TRPM7: variants seen among roughly 807,000 people sequenced by gnomAD.
TRPM7 encodes LTRPC ion channel family member 7.
In TRPM7, 134 loss-of-function variants were observed where a neutral mutation model predicts 229.7. That is an observed-to-expected ratio of 0.58 (90% CI 0.51 to 0.67). TRPM7 has a LOEUF of 0.67. TRPM7 is among the 30% of genes least tolerant of loss of function. The pLI is 0.00. For synonymous variants in TRPM7, 699 were observed against 715.2 expected (o/e 0.98, Z 0.36); for missense variants, 1,901 against 2,210.0 (o/e 0.86, Z 2.80).
chr15:50,636,471 A>G (rs1298726139), intron 7 of TRPM7, among the ~76,000 whole-genome samples: 1 of 152,164 alleles, frequency 6.6e-6, no homozygotes, highest in Non-Finnish European at 1.5e-5. Context: ...GATTATAGGC[A>G]TGAGCCAGCA....
chr15:50,646,253 G>C (rs2061261633), intron 4 of TRPM7, among the ~76,000 whole-genome samples: 1 of 152,126 alleles, frequency 6.6e-6, no homozygotes, highest in African/African-American at 2.4e-5. Context: ...GAGGCAGGCA[G>C]AACAATGTAG....
rs528669067 is a variant in TRPM7 at position 50,637,243 on chromosome 15, T to C, written c.832+179A>G. Among the ~76,000 whole-genome samples, 53 of 152,194 alleles carry C rather than the reference T, an allele frequency of 3.5e-4. 1 individual carries two copies. The highest frequency in any genetic ancestry group is 2.8e-3 in the Admixed American group (43 of 15,268). Reference sequence around the variant, plus strand: ...TTAGCCTTGATAACTGAGTACCCAATTTTCACTTCTTTTCCTTGGTCTTAT... The same window carrying C: ...TTAGCCTTGATAACTGAGTACCCAACTTTCACTTCTTTTCCTTGGTCTTAT... On this transcript the variant is annotated intron_variant, in intron 7 of 38. Coordinates refer to ENST00000646667, the MANE Select transcript of TRPM7 (RefSeq NM_017672.6).
intron 13 of TRPM7, among the ~76,000 whole-genome samples, chr15:50,618,346 A>G (rs900279871): frequency 2.0e-5 from 3 of 152,162 alleles, no homozygotes; most frequent in East Asian, 1.9e-4. Flanking sequence ...CAAGGAGGGC[A>G]GATCACGAGG....
chr15:50,585,454 C>A (rs1233494675), intron 28 of TRPM7, among the ~76,000 whole-genome samples: 1 of 152,234 alleles, frequency 6.6e-6, no homozygotes, highest in Non-Finnish European at 1.5e-5. Flanking sequence ...CCATCTTGGG[C>A]TTTCAATAGT....
intron 19 of TRPM7, among the ~76,000 whole-genome samples, chr15:50,608,045 ACT>A (rs1425359312): frequency 1.6e-5 from 2 of 128,244 alleles, no homozygotes; most frequent in African/African-American, 2.9e-5. Flanking sequence ...ACAGAGCGAG[ACT>A]CTGTCAAAAA....
intron 27 of TRPM7, chr15:50,588,294 G>T (rs2140339743): frequency 1.1e-6 from 1 of 945,290 alleles, no homozygotes; most frequent in Admixed American, 6.2e-5. Flanking sequence ...CAAACTTAAA[G>T]GCAAATACAG....
chr15:50,559,535 A>AC lies in TRPM7; in HGVS notation c.*2142_*2143insG, dbSNP rs57624327. On this transcript the variant is annotated 3_prime_UTR_variant, in exon 39 of 39. Transcript: ENST00000646667. ...ACAAAACAAAACAAAACAAAACAAAAACAGTATAGATGAAAGGCAGCCAGC... is the reference window on the plus strand; with the variant it reads ...ACAAAACAAAACAAAACAAAACAAAACACAGTATAGATGAAAGGCAGCCAGC... The AC allele has an allele frequency of 3.3e-5, 5 of 151,882 alleles. No individual in the cohort carries two copies. Among genetic ancestry groups the AC allele is most frequent in the African/African-American group, 1.2e-4 (5 of 41,384 alleles). The allele number at this position is 151,882 out of a possible 1,614,324, so 9.4% of individuals were successfully genotyped here.
intron 7 of TRPM7, among the ~76,000 whole-genome samples, chr15:50,636,188 C>CTT (rs535332848): frequency 5.9e-5 from 8 of 136,470 alleles, no homozygotes; most frequent in African/African-American, 8.1e-5. Flanking sequence ...CAATTCTTAA[C>CTT]TTTTTTTTTT....
At position 50,607,323 on chromosome 15, in the gene TRPM7, T is replaced by C; in HGVS notation, c.2586A>G (p.Ala862=). ...PIVKFWFNTL[A]YLGFLMLYTF... Reference sequence around the variant, plus strand: ...TATAAAGCATCAGAAATCCTAAATATGCCAACTAATGAAAAAGTAAAGGTT... The same window carrying C: ...TATAAAGCATCAGAAATCCTAAATACGCCAACTAATGAAAAAGTAAAGGTT... Residue 862 remains alanine (A), a synonymous_variant, in exon 20 of 39, where the codon GCA becomes GCG. Transcript: ENST00000646667. 2 of 1,566,712 alleles carry C rather than the reference T, an allele frequency of 1.3e-6. No individual in the cohort carries two copies. The highest frequency in any genetic ancestry group is 1.4e-5 in the African/African-American group (1 of 72,882).
At chr15:50,646,081 C>T (rs1226426935) in intron 4 of TRPM7, among the ~76,000 whole-genome samples, 1 of 148,242 alleles carries the variant, frequency 6.7e-6, no homozygotes, top group Non-Finnish European at 1.5e-5. Flanking sequence ...CGCGCCACTG[C>T]ACTCCAGCCT....
At chr15:50,576,763 T>C (rs2054154239) in intron 31 of TRPM7, among the ~76,000 whole-genome samples, 9 of 151,982 alleles carry the variant, frequency 5.9e-5, no homozygotes, top group Admixed American at 5.9e-4. Context: ...TGGGCAAGAG[T>C]ACAGGGATAA....
chr15:50,610,793 T>C (rs1484467678), intron 17 of TRPM7, among the ~76,000 whole-genome samples: 5 of 152,174 alleles, frequency 3.3e-5, no homozygotes, highest in African/African-American at 1.2e-4. Context: ...TTTCATAAAG[T>C]AGTAACTTTT....
intron 34 of TRPM7, 35 bp from the exon 35 acceptor site, chr15:50,574,754 A>C: frequency 6.3e-7 from 1 of 1,592,480 alleles, no homozygotes; most frequent in Middle Eastern, 1.7e-4. Flanking sequence ...CCCTTGTTTA[A>C]TATTTAAACT....
chr15:50,644,019 T>C (rs1476453202), intron 4 of TRPM7, among the ~76,000 whole-genome samples: 2 of 152,174 alleles, frequency 1.3e-5, no homozygotes, highest in Non-Finnish European at 2.9e-5. Context: ...GTATGAAAGT[T>C]TGGCAATGAT....
intron 4 of TRPM7, among the ~76,000 whole-genome samples, chr15:50,645,323 T>G (rs1275171587): frequency 6.6e-6 from 1 of 152,178 alleles, no homozygotes; most frequent in East Asian, 1.9e-4. Context: ...ATTATAGGCA[T>G]GAGCTACCAC....
Position 50,614,107 on chromosome 15 carries a change from C to T in TRPM7, c.1635+16G>A. 2.5e-6 allele frequency: 4 copies of T among 1,582,112 alleles called. No individual in the cohort carries two copies. Among genetic ancestry groups the T allele is most frequent in the Non-Finnish European group, 3.4e-6 (4 of 1,167,524 alleles). ...ATTAAAGCATATATATAGATTTCCC[C>T]ACAAATTTTACATACCCGATTATTT... On this transcript the variant is annotated intron_variant, in intron 14 of 38. Coordinates refer to ENST00000646667, the MANE Select transcript of TRPM7 (RefSeq NM_017672.6).
rs575467501 is a variant in TRPM7, at chr15:50,596,308, G to C, written c.3237C>G (p.Val1079=). 6.2e-7 allele frequency: 1 copy of C among 1,605,370 alleles called. No individual in the cohort carries two copies. The highest frequency in any genetic ancestry group is 1.1e-5 in the South Asian group (1 of 89,772). ...GTWLTPFLQA[V]YLFVQYIIMV... Reference sequence around the variant, plus strand: ...TAATGATATACTGTACAAAGAGGTAGACTGCTTGAAGAAATGGAGTCAACC... The same window carrying C: ...TAATGATATACTGTACAAAGAGGTACACTGCTTGAAGAAATGGAGTCAACC... The change falls in exon 23 of 39, where the codon GTC becomes GTG. Residue 1079 remains valine, a synonymous_variant. Coordinates refer to ENST00000646667, the MANE Select transcript of TRPM7 (RefSeq NM_017672.6).
chr15:50,581,837 T>C (rs994045194), intron 29 of TRPM7, among the ~76,000 whole-genome samples: 1 of 152,198 alleles, frequency 6.6e-6, no homozygotes, highest in Non-Finnish European at 1.5e-5. Flanking sequence ...TCCATGTCTC[T>C]TTACCTTTAA....
chr15:50,655,726 A>G (rs2061548283), intron 3 of TRPM7, among the ~76,000 whole-genome samples: 1 of 152,210 alleles, frequency 6.6e-6, no homozygotes, highest in South Asian at 2.1e-4. Flanking sequence ...GGCTGGGCGC[A>G]ACAGCTCACG....
Sources: gnomAD v4.1 joint callset for allele counts (sites outside exome capture counted in the v4.1 genomes callset) on GRCh38, gnomAD v4.1.1 for gene constraint, MANE v1.5 for transcripts, NCBI Gene and HGNC (gene_info 2026-07-23, HGNC 2026-07-21) for gene names.